SLC25A21: variants seen among roughly 807,000 people sequenced by gnomAD.
The protein encoded by SLC25A21 is solute carrier family 25 member 21.
SLC25A21 carries 47 observed loss-of-function variants against 43.8 expected under a neutral mutation model. The observed-to-expected ratio is 1.07, with a 90% CI of 0.85 to 1.37. The LOEUF is 1.37. Among genes scored for constraint, SLC25A21 ranks in the 40% most tolerant of loss-of-function variants. SLC25A21 has a pLI of 0.00. For synonymous variants in SLC25A21, 131 were observed against 121.3 expected, an observed-to-expected ratio of 1.08 and a Z score of -0.52; for missense variants, 352 against 350.2, an observed-to-expected ratio of 1.00 and a Z score of -0.04.
chr14:36,751,714 C>T (rs1885715205), intron 3 of SLC25A21, among the ~76,000 whole-genome samples: 2 of 152,160 alleles, frequency 1.3e-5, no homozygotes, highest in Non-Finnish European at 2.9e-5. Flanking sequence ...CTAATTTCAT[C>T]ATTGAAATAG....
At chr14:36,739,823 G>T (rs745739850) in intron 3 of SLC25A21, among the ~76,000 whole-genome samples, 11 of 152,148 alleles carry the variant, frequency 7.2e-5, no homozygotes, top group Non-Finnish European at 1.5e-4. Flanking sequence ...GCTTAGAGAG[G>T]TGAGTCCTCC....
chr14:37,075,681 T>C (rs1209120669), intron 1 of SLC25A21, among the ~76,000 whole-genome samples: 1 of 152,212 alleles, frequency 6.6e-6, no homozygotes, highest in Non-Finnish European at 1.5e-5. Context: ...TCCCAGTTTA[T>C]CTTTGTTTTC....
chr14:36,981,990 C>T (rs570387220), intron 1 of SLC25A21, among the ~76,000 whole-genome samples: 6 of 152,268 alleles, frequency 3.9e-5, no homozygotes, highest in Admixed American at 6.5e-5. Context: ...GCACACAACA[C>T]GCTTAAGTTT....
At chr14:37,040,361 GAGAGAGAGA>G (rs1961433106) in intron 1 of SLC25A21, among the ~76,000 whole-genome samples, 1 of 36,994 alleles carries the variant, frequency 2.7e-5, no homozygotes, top group African/African-American at 5.4e-4. Context: ...AGGAAAGAAA[GAGAGAGAGA>G]GAGAGAAAGA....
intron 1 of SLC25A21, among the ~76,000 whole-genome samples, chr14:36,898,522 GTGTGCTGCACCCAC>G (rs1030631436): frequency 6.6e-6 from 1 of 152,158 alleles, no homozygotes; most frequent in Non-Finnish European, 1.5e-5. Context: ...CTCACTCTCA[GTGTGCTGCACCCAC>G]TGTCCTGCAC....
intron 1 of SLC25A21, among the ~76,000 whole-genome samples, chr14:37,004,099 T>A (rs1188542709): frequency 6.6e-6 from 1 of 152,166 alleles, no homozygotes; most frequent in Non-Finnish European, 1.5e-5. Flanking sequence ...TTAGAATCAA[T>A]GTTTTCTTTG....
At chr14:36,833,675 C>T (rs772247100) in intron 2 of SLC25A21, among the ~76,000 whole-genome samples, 75 of 152,256 alleles carry the variant, frequency 4.9e-4, no homozygotes, top group Non-Finnish European at 7.6e-4. Context: ...TCTCCTAGTA[C>T]AGGGACAGGT....
intron 3 of SLC25A21, among the ~76,000 whole-genome samples, chr14:36,768,589 T>C (rs1886499750): frequency 6.6e-6 from 1 of 152,148 alleles, no homozygotes; most frequent in Admixed American, 6.6e-5. Flanking sequence ...ACAAATTGCT[T>C]TCAGCTGACT....
chr14:36,945,641 T>C (rs1454293348), intron 1 of SLC25A21, among the ~76,000 whole-genome samples: 1 of 152,206 alleles, frequency 6.6e-6, no homozygotes, highest in Non-Finnish European at 1.5e-5. Context: ...ATTCCACTTA[T>C]ATATGGTATA....
intron 3 of SLC25A21, among the ~76,000 whole-genome samples, chr14:36,754,562 ACATAG>A (rs1885851378): frequency 6.6e-6 from 1 of 152,170 alleles, no homozygotes; most frequent in Non-Finnish European, 1.5e-5. Flanking sequence ...TAGCTTATCT[ACATAG>A]TTAAGAAGTA....
chr14:37,145,776 G>A (rs1053148594), intron 1 of SLC25A21, among the ~76,000 whole-genome samples: 19 of 152,036 alleles, frequency 1.2e-4, no homozygotes, highest in African/African-American at 4.6e-4. Flanking sequence ...TGGAAAGCCA[G>A]GTATTAGGAA....
intron 1 of SLC25A21, among the ~76,000 whole-genome samples, chr14:36,913,991 A>G (rs1349765189): frequency 6.6e-6 from 1 of 152,228 alleles, no homozygotes; most frequent in Non-Finnish European, 1.5e-5. Context: ...CATAAGTCAT[A>G]TAACATCGAA....
intron 1 of SLC25A21, among the ~76,000 whole-genome samples, chr14:36,903,027 C>G (rs1891436662): frequency 6.6e-6 from 1 of 152,140 alleles, no homozygotes; most frequent in Admixed American, 6.5e-5. Flanking sequence ...CTTCAGTTTT[C>G]TTCTTTGTAA....
At chr14:37,146,988 G>A (rs1963677325) in intron 1 of SLC25A21, among the ~76,000 whole-genome samples, 1 of 152,068 alleles carries the variant, frequency 6.6e-6, no homozygotes, top group Admixed American at 6.5e-5. Context: ...TCCCAACTCT[G>A]GTTTGCACTT....
intron 1 of SLC25A21, among the ~76,000 whole-genome samples, chr14:36,982,355 T>C (rs989854741): frequency 2.6e-5 from 4 of 152,192 alleles, no homozygotes; most frequent in Non-Finnish European, 4.4e-5. Flanking sequence ...AAACCTGCAG[T>C]GTACAAAAAT....
At chr14:36,691,603 A>G (rs1882796642) in intron 7 of SLC25A21, among the ~76,000 whole-genome samples, 1 of 152,172 alleles carries the variant, frequency 6.6e-6, no homozygotes, top group Non-Finnish European at 1.5e-5. Flanking sequence ...AAAAACTGTT[A>G]TTGACTTTGA....
intron 1 of SLC25A21, among the ~76,000 whole-genome samples, chr14:37,039,126 G>A (rs1472393419): frequency 1.3e-5 from 2 of 152,146 alleles, no homozygotes; most frequent in Admixed American, 6.5e-5. Flanking sequence ...GGTGAGGGGT[G>A]GGTGCCACTG....
rs149860604 is a variant in SLC25A21 at position 36,865,860 on chromosome 14, C to T, written c.119+9096G>A. On this transcript the variant is annotated intron_variant, in intron 2 of 9. Coordinates refer to ENST00000331299, the MANE Select transcript of SLC25A21 (RefSeq NM_030631.4). ...CCCCATAAGTGCATATATAACAACA[C>T]GTGGATGCCAAATTTTCAACTCATG... is the stretch of plus-strand genomic sequence containing the variant. Among the ~76,000 whole-genome samples, 157 of 152,152 alleles carry T rather than the reference C, an allele frequency of 1.0e-3. 1 individual carries two copies. The highest frequency in any genetic ancestry group is 5.6e-3 in the East Asian group (29 of 5,160).
At chr14:36,768,053 C>T (rs1886479741) in intron 3 of SLC25A21, among the ~76,000 whole-genome samples, 1 of 152,198 alleles carries the variant, frequency 6.6e-6, no homozygotes, top group Non-Finnish European at 1.5e-5. Context: ...TCGCTGCCTG[C>T]AGCTCTGTAC....
Sources: gnomAD v4.1 joint callset for allele counts (sites outside exome capture counted in the v4.1 genomes callset) on GRCh38, gnomAD v4.1.1 for gene constraint, MANE v1.5 for transcripts, NCBI Gene and HGNC (gene_info 2026-07-23, HGNC 2026-07-21) for gene names.